Variants in FRRS1L observed in about 807,000 individuals in gnomAD.
The protein encoded by FRRS1L is ferric chelate reductase 1 like, also known as DOMON domain-containing protein FRRS1L.
In FRRS1L, 22 loss-of-function variants were observed where a neutral mutation model predicts 28.6. That is an observed-to-expected ratio of 0.77 (90% confidence interval 0.55 to 1.10). The LOEUF is 1.10. Ranked by LOEUF, FRRS1L falls within the 50% of genes least tolerant of loss-of-function variation. FRRS1L has a pLI of 0.00. For synonymous variants in FRRS1L, 158 were observed against 151.4 expected (o/e 1.04, Z -0.32); for missense variants, 380 against 386.9 (o/e 0.98, Z 0.15).
rs1473481324 is a variant in FRRS1L, at chr9:109,136,430, C to T, written c.*1025G>A. On this transcript the variant is annotated 3_prime_UTR_variant, in exon 5 of 5. Transcript: ENST00000561981. ...AACTTTACATCTTCAGGAATGCTCA[C>T]AGTTTGGTCTCCAACCTTTGCAAAT... 6.6e-6 allele frequency: 1 copy of T among 150,924 alleles called. No homozygotes were observed. Among genetic ancestry groups the T allele is most frequent in the African/African-American group, 2.4e-5 (1 of 40,962 alleles). The allele number at this position is 150,924 out of a possible 1,614,324, so 9.3% of individuals were successfully genotyped here. A position where few individuals can be genotyped will look rare whatever the true frequency, so the allele number is the denominator to read the frequency against.
At chr9:109,152,803 C>CAAAAAAAAAAAAA (rs59385693) in intron 1 of FRRS1L, among the ~76,000 whole-genome samples, 6 of 24,114 alleles carry the variant, frequency 2.5e-4, no homozygotes, top group African/African-American at 5.1e-4. Context: ...GACTCCATCT[C>CAAAAAAAAAAAAA]AAAAAAAAAA....
chr9:109,137,626 GCCTTT>G lies in FRRS1L; in HGVS notation c.710-4_710del. The G allele has an allele frequency of 2.6e-6, 4 of 1,548,638 alleles. No homozygotes were observed. Among genetic ancestry groups the G allele is most frequent in the Admixed American group, 3.8e-5 (2 of 52,948 alleles). On this transcript the variant is annotated splice_acceptor_variant and splice_polypyrimidine_tract_variant and coding_sequence_variant and intron_variant, in exon 5 of 5. Coordinates refer to ENST00000561981, the MANE Select transcript of FRRS1L (RefSeq NM_014334.4). LOFTEE classifies it high-confidence loss of function. ...AGTCTATATCATGTCGAGTGATAGA[GCCTTT>G]AAGAAAAAAAGAGAAGAGCAGGGGC... is the stretch of plus-strand genomic sequence containing the variant.
chr9:109,153,658 T>C (rs953328643), intron 1 of FRRS1L, among the ~76,000 whole-genome samples: 5 of 152,352 alleles, frequency 3.3e-5, no homozygotes, highest in African/African-American at 9.6e-5. Flanking sequence ...CCCACATTTA[T>C]AGCCAGTTGG....
chr9:109,137,345 GTT>G lies in FRRS1L; in HGVS notation c.*108_*109del. The G allele has an allele frequency of 1.5e-6, 1 of 647,198 alleles. No individual in the cohort carries two copies. The allele number at this position is 647,198 out of a possible 1,614,324, so 40.1% of individuals were successfully genotyped here. A position where few individuals can be genotyped will look rare whatever the true frequency, so the allele number is the denominator to read the frequency against. On this transcript the variant is annotated 3_prime_UTR_variant, in exon 5 of 5. Transcript: ENST00000561981. ...TTCCAAAAAGCTGAAATTATATGAG[GTT>G]TTTTTTCTTAAATAATTGAAGCTAA...
chr9:109,145,656 G>T (rs1242216529), intron 3 of FRRS1L, among the ~76,000 whole-genome samples: 1 of 152,178 alleles, frequency 6.6e-6, no homozygotes, highest in Admixed American at 6.5e-5. Flanking sequence ...AAAGGTTGCA[G>T]TGAGCCGACA....
At chr9:109,166,165 T>C (rs941757433) in intron 1 of FRRS1L, among the ~76,000 whole-genome samples, 4 of 152,196 alleles carry the variant, frequency 2.6e-5, no homozygotes, top group Admixed American at 6.5e-5. Context: ...TTCCCAAAGT[T>C]GCTTAAAGAG....
chr9:109,148,817 GT>G (rs1196480428), intron 2 of FRRS1L, among the ~76,000 whole-genome samples: 1 of 152,114 alleles, frequency 6.6e-6, no homozygotes, highest in Non-Finnish European at 1.5e-5. Context: ...CAATCACCAG[GT>G]TTATACATTG....
At chr9:109,152,283 G>A (rs1831339516) in intron 1 of FRRS1L, 1 of 152,028 alleles carries the variant, frequency 6.6e-6, no homozygotes, top group Non-Finnish European at 1.5e-5. Context: ...CTGAGTAGCT[G>A]GGATTACAGG....
chr9:109,159,444 A>G (rs1460647863), intron 1 of FRRS1L, among the ~76,000 whole-genome samples: 1 of 152,102 alleles, frequency 6.6e-6, no homozygotes, highest in Non-Finnish European at 1.5e-5. Context: ...AGGTGGGTGG[A>G]TCACGAGGTC....
At chr9:109,146,853 GA>G (rs1210807338) in intron 3 of FRRS1L, among the ~76,000 whole-genome samples, 197 bp downstream of exon 3, 1 of 152,202 alleles carries the variant, frequency 6.6e-6, no homozygotes, top group African/African-American at 2.4e-5. Context: ...CTGATGAAAA[GA>G]GGTGCCACAA....
Position 109,165,837 on chromosome 9 carries a change from G to A in FRRS1L, c.238+1064C>T, listed in dbSNP as rs114520787. 3.8e-3 allele frequency among the ~76,000 whole-genome samples: 576 copies of A among 152,260 alleles called. 4 individuals carry two copies. The highest frequency in any genetic ancestry group is 0.013 in the African/African-American group (556 of 41,554). On this transcript the variant is annotated intron_variant, in intron 1 of 4. Coordinates refer to ENST00000561981, the MANE Select transcript of FRRS1L (RefSeq NM_014334.4). ...CACTGTCTAGAATGTGAACATAATG[G>A]CTGTAGCTCAAGCAGTTATTTTGAA...
In FRRS1L at chr9:109,167,203, G is replaced by T; in HGVS notation, c.-65C>A. On this transcript the variant is annotated 5_prime_UTR_variant, in exon 1 of 5. Transcript: ENST00000561981. ...AGCGGGGGCGCCGCGGGCGCGGGCC[G>T]GGACTGAGCCTCCGCCGAGGCCACC... is the stretch of plus-strand genomic sequence containing the variant. 4 of 1,258,256 alleles carry T rather than the reference G, an allele frequency of 3.2e-6. No homozygotes were observed. Among genetic ancestry groups the T allele is most frequent in the Non-Finnish European group, 4.0e-6 (4 of 999,378 alleles). 77.9% of individuals were successfully genotyped at this position (1,258,256 alleles called of 1,614,324 possible). A position where few individuals can be genotyped will look rare whatever the true frequency, so the allele number is the denominator to read the frequency against.
chr9:109,161,474 A>AT (rs1456951948), intron 1 of FRRS1L, among the ~76,000 whole-genome samples: 2 of 151,880 alleles, frequency 1.3e-5, no homozygotes, highest in African/African-American at 4.8e-5. Context: ...AATTCGAGCC[A>AT]TTTTTTTCTC....
chr9:109,141,159 G>A (rs973195099), intron 4 of FRRS1L, 184 bp downstream of exon 4: 15 of 628,396 alleles, frequency 2.4e-5, no homozygotes, highest in East Asian at 1.4e-4. Context: ...TTGTTTGTCC[G>A]TATAATAAGT....
chr9:109,144,406 TGTTGCTCAGGGTGGA>T (rs1457084968), intron 3 of FRRS1L, among the ~76,000 whole-genome samples: 1 of 152,148 alleles, frequency 6.6e-6, no homozygotes, highest in Non-Finnish European at 1.5e-5. Flanking sequence ...AGTCTCGCTC[TGTTGCTCAGGGTGGA>T]GTGCAATGGC....
In FRRS1L at chr9:109,148,436, T is replaced by G. The variant is rs545815024; in HGVS notation, c.323+1200A>C. ...TGAAATGAAAACACAAATTTAAATT[T>G]TCTTACAGAGCACTTGTGGATCCTT... On this transcript the variant is annotated intron_variant, in intron 2 of 4. Transcript: ENST00000561981. 4.6e-5 allele frequency: 7 copies of G among 152,346 alleles called. No homozygotes were observed. In the South Asian group the frequency reaches 1.2e-3, roughly 27 times the overall value. 9.4% of individuals were successfully genotyped at this position (152,346 alleles called of 1,614,324 possible).
At chr9:109,162,159 T>TA (rs1456345714) in intron 1 of FRRS1L, among the ~76,000 whole-genome samples, 1 of 152,108 alleles carries the variant, frequency 6.6e-6, no homozygotes, top group African/African-American at 2.4e-5. Flanking sequence ...CTACTAAAAA[T>TA]ACAAAAATTA....
At chr9:109,166,515 TGGCCAGATGGC>T (rs1017528866) in intron 1 of FRRS1L, among the ~76,000 whole-genome samples, 1 of 152,066 alleles carries the variant, frequency 6.6e-6, no homozygotes, top group African/African-American at 2.4e-5. Context: ...CTAGCTGCCC[TGGCCAGATGGC>T]GGCCTCCTCC....
intron 4 of FRRS1L, 132 bp downstream of exon 4, chr9:109,141,211 C>T (rs192018860): frequency 1.4e-4 from 128 of 912,902 alleles, no homozygotes; most frequent in Non-Finnish European, 2.0e-4. Flanking sequence ...AGGTAGGAGT[C>T]GCATCTCCTT....
Sources: allele counts gnomAD v4.1 joint callset (sites outside exome capture counted in the v4.1 genomes callset), GRCh38; gene constraint gnomAD v4.1.1; transcripts MANE v1.5; gene names NCBI Gene and HGNC (gene_info 2026-07-23, HGNC 2026-07-21).